ZBTB38: variants seen among roughly 807,000 people sequenced by gnomAD.
ZBTB38 encodes zinc finger and BTB domain-containing protein 38.
Under a neutral mutation model 76.8 loss-of-function variants are expected in ZBTB38, and 20 were observed. That is an observed-to-expected ratio of 0.26 (90% confidence interval 0.18 to 0.38). The LOEUF is 0.38. Ranked by LOEUF, ZBTB38 falls within the 10% of genes least tolerant of loss-of-function variation. The pLI, the probability that ZBTB38 is intolerant of heterozygous loss-of-function variation, is 1.00. For synonymous variants in ZBTB38, 504 were observed against 544.2 expected (o/e 0.93, Z 1.03); for missense variants, 1,082 against 1,482.3 (o/e 0.73, Z 4.43).
intron 2 of ZBTB38, among the ~76,000 whole-genome samples, chr3:141,373,646 G>C: frequency 6.6e-6 from 1 of 152,172 alleles, no homozygotes; most frequent in East Asian, 1.9e-4. Context: ...CAAGAACCAA[G>C]TTGGAAAATA....
At chr3:141,342,654 G>A (rs1943232257) in intron 1 of ZBTB38, among the ~76,000 whole-genome samples, 1 of 151,412 alleles carries the variant, frequency 6.6e-6, no homozygotes. Context: ...GCTGGAGAGT[G>A]GACACAAACC....
upstream of ZBTB38, chr3:141,366,423 G>A (rs1318128396): frequency 6.6e-6 from 1 of 152,226 alleles, no homozygotes; most frequent in Non-Finnish European, 1.5e-5. Flanking sequence ...AAAATGCCTG[G>A]AACTTAAAGC....
At chr3:141,436,202 C>G (rs1202201002) in intron 5 of ZBTB38, among the ~76,000 whole-genome samples, 3 of 152,172 alleles carry the variant, frequency 2.0e-5, no homozygotes, top group African/African-American at 4.8e-5. Context: ...TGACTGTCCC[C>G]CTCCCACATG....
At chr3:141,324,283 G>A (rs1443386378) in exon 1 of ZBTB38, 1 of 152,192 alleles carries the variant, frequency 6.6e-6, no homozygotes, top group African/African-American at 2.4e-5. Flanking sequence ...TTTTCTAGGA[G>A]GGCTTTCCTG....
chr3:141,436,395 A>AGT (rs1307052422), intron 5 of ZBTB38, among the ~76,000 whole-genome samples: 4 of 152,114 alleles, frequency 2.6e-5, no homozygotes. Flanking sequence ...TTGGGCAGGC[A>AGT]GTGTGTGTGT....
chr3:141,409,349 G>A (rs1035716865), intron 5 of ZBTB38, among the ~76,000 whole-genome samples: 3 of 152,070 alleles, frequency 2.0e-5, no homozygotes, highest in African/African-American at 4.8e-5. Flanking sequence ...CCCATCCTGA[G>A]GTGAGATTTT....
At chr3:141,407,721 G>A (rs1955061542) in intron 5 of ZBTB38, among the ~76,000 whole-genome samples, 1 of 152,212 alleles carries the variant, frequency 6.6e-6, no homozygotes, top group Non-Finnish European at 1.5e-5. Context: ...GTCATGGCTG[G>A]TGACGAAGAT....
chr3:141,364,702 A>AAAAAAAAAAAAG, upstream of ZBTB38, among the ~76,000 whole-genome samples: 1 of 129,700 alleles, frequency 7.7e-6, no homozygotes, highest in East Asian at 1.9e-4. Flanking sequence ...AAAAAAAAAA[A>AAAAAAAAAAAAG]AAAAAAAAGC....
At chr3:141,393,337 A>G (rs1949431196) in intron 4 of ZBTB38, among the ~76,000 whole-genome samples, 1 of 152,216 alleles carries the variant, frequency 6.6e-6, no homozygotes, top group South Asian at 2.1e-4. Flanking sequence ...AGCGCTGAGC[A>G]TGACGTAGAG....
At chr3:141,397,041 A>T (rs1040763840) in intron 4 of ZBTB38, among the ~76,000 whole-genome samples, 25 of 152,286 alleles carry the variant, frequency 1.6e-4, no homozygotes, top group Non-Finnish European at 2.9e-4. Context: ...CCAGGCATTG[A>T]TTTCTCCTCT....
intron 1 of ZBTB38, among the ~76,000 whole-genome samples, chr3:141,349,584 G>T (rs1258827568): frequency 6.6e-6 from 1 of 152,110 alleles, no homozygotes; most frequent in African/African-American, 2.4e-5. Flanking sequence ...ACAAAAATTA[G>T]CTGGGTGTAG....
chr3:141,430,724 C>T (rs1345637417), intron 5 of ZBTB38, among the ~76,000 whole-genome samples: 1 of 152,176 alleles, frequency 6.6e-6, no homozygotes, highest in Non-Finnish European at 1.5e-5. Flanking sequence ...GCTGGTGCCT[C>T]GTCCATTTTA....
chr3:141,438,684 G>C (rs1015701796), intron 5 of ZBTB38, among the ~76,000 whole-genome samples: 11 of 152,240 alleles, frequency 7.2e-5, no homozygotes, highest in South Asian at 2.1e-4. Context: ...CATACTGCAG[G>C]CTGCGTGATT....
chr3:141,378,568 CTT>C (rs1480686625), intron 2 of ZBTB38, among the ~76,000 whole-genome samples: 1 of 152,188 alleles, frequency 6.6e-6, no homozygotes, highest in Non-Finnish European at 1.5e-5. Flanking sequence ...GGTATTAAAA[CTT>C]TTTAAAAGTT....
At chr3:141,358,936 A>G (rs1314301251) in intron 1 of ZBTB38, among the ~76,000 whole-genome samples, 1 of 152,254 alleles carries the variant, frequency 6.6e-6, no homozygotes. Context: ...GACTGGATTC[A>G]GGATGGTGGA....
chr3:141,441,510 A>G (rs1261607366), intron 5 of ZBTB38, among the ~76,000 whole-genome samples: 2 of 152,224 alleles, frequency 1.3e-5, no homozygotes, highest in African/African-American at 4.8e-5. Flanking sequence ...GGGAAACTAG[A>G]AAAGGAACCT....
At chr3:141,332,426 C>T (rs1942882535) in intron 1 of ZBTB38, among the ~76,000 whole-genome samples, 1 of 152,186 alleles carries the variant, frequency 6.6e-6, no homozygotes, top group Non-Finnish European at 1.5e-5. Context: ...GTGGCCCCTT[C>T]CCCAACTACT....
intron 5 of ZBTB38, among the ~76,000 whole-genome samples, chr3:141,426,674 C>T (rs1216629459): frequency 6.6e-6 from 1 of 152,188 alleles, no homozygotes; most frequent in African/African-American, 2.4e-5. Flanking sequence ...ACTGCCATGT[C>T]GCCACCTTTA....
At chr3:141,434,485 G>GT in intron 5 of ZBTB38, among the ~76,000 whole-genome samples, 1 of 152,116 alleles carries the variant, frequency 6.6e-6, no homozygotes. Flanking sequence ...TATCTGTGCT[G>GT]TTTCAGTCTT....
Sources: gnomAD v4.1 joint callset for allele counts (sites outside exome capture counted in the v4.1 genomes callset) on GRCh38, gnomAD v4.1.1 for gene constraint, MANE v1.5 for transcripts, NCBI Gene and HGNC (gene_info 2026-07-23, HGNC 2026-07-21) for gene names.